PDCD7: variants seen among roughly 807,000 people sequenced by gnomAD.
PDCD7 encodes the protein programmed cell death protein 7.
PDCD7 carries 40 observed loss-of-function variants against 42.1 expected under a neutral mutation model. That is an observed-to-expected ratio of 0.95 (90% CI 0.74 to 1.24). The LOEUF is 1.24. Ranked by LOEUF, PDCD7 falls within the 50% of genes most tolerant of loss-of-function variation. PDCD7 has a pLI of 0.00. For synonymous variants in PDCD7, 299 were observed against 303.3 expected, an observed-to-expected ratio of 0.99 and a Z score of 0.15; for missense variants, 644 against 662.8, an observed-to-expected ratio of 0.97 and a Z score of 0.31.
chr15:65,124,292 G>A (rs1264882868), intron 2 of PDCD7, among the ~76,000 whole-genome samples: 1 of 152,010 alleles, frequency 6.6e-6, no homozygotes, highest in Non-Finnish European at 1.5e-5. Flanking sequence ...GGGTGTGGTG[G>A]TGCATGCCTG....
intron 2 of PDCD7, among the ~76,000 whole-genome samples, chr15:65,128,387 T>C (rs1294565188): frequency 6.6e-6 from 1 of 152,164 alleles, no homozygotes; most frequent in Non-Finnish European, 1.5e-5. Context: ...ATGAACAGAA[T>C]GACAACAGCT....
Position 65,133,665 on chromosome 15 carries a change from C to T in PDCD7, c.117G>A (p.Pro39=), listed in dbSNP as rs777089719. 12 of 1,264,146 alleles carry T rather than the reference C, an allele frequency of 9.5e-6. No homozygotes were observed. Among genetic ancestry groups the T allele is most frequent in the Non-Finnish European group, 1.1e-5 (11 of 999,564 alleles). The allele number at this position is 1,264,146 out of a possible 1,614,324, so 78.3% of individuals were successfully genotyped here. A position where few individuals can be genotyped will look rare whatever the true frequency, so the allele number is the denominator to read the frequency against. Residue 39 remains proline, a synonymous_variant, in exon 1 of 5, where the codon CCG becomes CCA. Transcript: ENST00000204549. ...AAGGGCCGGGCCGCTGGGGGAGAGG[C>T]GGCGGGAAAGCCGGGGAGGGCAGCG... ...PPPLPSPAFP[P]PLPQRPGPFP... is the part of the protein sequence containing the mutation.
At chr15:65,132,006 T>C (rs2087542974) in intron 1 of PDCD7, among the ~76,000 whole-genome samples, 2 of 151,590 alleles carry the variant, frequency 1.3e-5, no homozygotes, top group African/African-American at 4.9e-5. Flanking sequence ...GTATATGTAA[T>C]GACCTTAGCA....
chr15:65,123,290 C>T (rs562096711), intron 2 of PDCD7, among the ~76,000 whole-genome samples: 2 of 152,268 alleles, frequency 1.3e-5, no homozygotes, highest in South Asian at 2.1e-4. Context: ...TGGGTTCAAG[C>T]GATTCTCCTG....
At chr15:65,131,199 G>A (rs150003250) in intron 1 of PDCD7, among the ~76,000 whole-genome samples, 1 of 152,160 alleles carries the variant, frequency 6.6e-6, no homozygotes, top group African/African-American at 2.4e-5. Flanking sequence ...TCTCATAGGA[G>A]CACAAAGAAG....
intron 1 of PDCD7, among the ~76,000 whole-genome samples, chr15:65,131,710 T>C (rs1033457367): frequency 3.3e-5 from 5 of 151,912 alleles, no homozygotes; most frequent in African/African-American, 2.4e-5. Flanking sequence ...GATCATGCCA[T>C]TGCACTCCAG....
intron 1 of PDCD7, 87 bp from the exon 2 acceptor site, chr15:65,129,257 A>T (rs1343607520): frequency 4.1e-5 from 58 of 1,429,808 alleles, no homozygotes; most frequent in Non-Finnish European, 1.2e-5. Context: ...ATTTTAAAGG[A>T]TCAGACAGTC....
chr15:65,127,581 A>G (rs902521510), intron 2 of PDCD7, among the ~76,000 whole-genome samples: 12 of 152,196 alleles, frequency 7.9e-5, no homozygotes, highest in African/African-American at 2.7e-4. Flanking sequence ...ATCCAGCCTC[A>G]TCATTCAGCA....
At chr15:65,120,075 G>C (rs575876638) in intron 2 of PDCD7, 121 bp from the exon 3 acceptor site, 17 of 1,039,648 alleles carry the variant, frequency 1.6e-5, no homozygotes, top group Non-Finnish European at 4.1e-6. Flanking sequence ...CAAACTCCTG[G>C]GCTCAACCCA....
In PDCD7 at chr15:65,133,654, TGG is replaced by T; in HGVS notation, c.126_127del (p.Gln43AlafsTer81). 7.9e-7 allele frequency: 1 copy of T among 1,258,314 alleles called. No homozygotes were observed. The highest frequency in any genetic ancestry group is 1.0e-6 in the Non-Finnish European group (1 of 997,494). 77.9% of individuals were successfully genotyped at this position (1,258,314 alleles called of 1,614,324 possible). A position where few individuals can be genotyped will look rare whatever the true frequency, so the allele number is the denominator to read the frequency against. On this transcript the variant is annotated frameshift_variant, in exon 1 of 5. Coordinates refer to ENST00000204549, the MANE Select transcript of PDCD7 (RefSeq NM_005707.2). LOFTEE classifies it high-confidence loss of function. ...GGCCCCCGGAAAAGGGCCGGGCCGC[TGG>T]GGGAGAGGCGGCGGGAAAGCCGGGG...
In PDCD7 at chr15:65,122,373, C is replaced by T. The variant is rs574462827; in HGVS notation, c.1010-2419G>A. Among the ~76,000 whole-genome samples the T allele has an allele frequency of 2.0e-5, 3 of 151,584 alleles. No homozygotes were observed. In the South Asian group the frequency reaches 6.3e-4, roughly 32 times the overall value. Reference sequence around the variant, plus strand: ...ATTTAAAAAAAAAGAATACCAGATACAAGAAAGAAAAAAAAAATCCTAATC... The same window carrying T: ...ATTTAAAAAAAAAGAATACCAGATATAAGAAAGAAAAAAAAAATCCTAATC... On this transcript the variant is annotated intron_variant, in intron 2 of 4. Coordinates refer to ENST00000204549, the MANE Select transcript of PDCD7 (RefSeq NM_005707.2).
At chr15:65,129,506 T>C (rs948109963) in intron 1 of PDCD7, among the ~76,000 whole-genome samples, 2 of 152,284 alleles carry the variant, frequency 1.3e-5, no homozygotes, top group Middle Eastern at 3.4e-3. Flanking sequence ...TTGTTAAAAA[T>C]GCAGATTCCC....
chr15:65,119,570 T>C (rs2087435489), intron 3 of PDCD7, 107 bp from the exon 4 acceptor site: 4 of 1,215,110 alleles, frequency 3.3e-6, no homozygotes, highest in Admixed American at 1.7e-5. Flanking sequence ...GAAAATGTGT[T>C]CTATCTGTAT....
intron 2 of PDCD7, among the ~76,000 whole-genome samples, chr15:65,120,188 C>T (rs2087442102): frequency 6.6e-6 from 1 of 151,948 alleles, no homozygotes; most frequent in Non-Finnish European, 1.5e-5. Context: ...GGGTCTCACT[C>T]TGTTGTGCAG....
At chr15:65,122,753 C>T (rs948172164) in intron 2 of PDCD7, among the ~76,000 whole-genome samples, 3 of 152,078 alleles carry the variant, frequency 2.0e-5, no homozygotes, top group South Asian at 2.1e-4. Flanking sequence ...CCTGTAATTC[C>T]AACACTTTGG....
intron 2 of PDCD7, among the ~76,000 whole-genome samples, 199 bp from the exon 3 acceptor site, chr15:65,120,153 A>AT (rs1050412437): frequency 6.6e-6 from 1 of 150,408 alleles, no homozygotes; most frequent in Non-Finnish European, 1.5e-5. Context: ...GCTTTTTTTT[A>AT]TTTTTTATTT....
chr15:65,119,539 C>A, intron 3 of PDCD7, 76 bp from the exon 4 acceptor site: 1 of 1,248,204 alleles, frequency 8.0e-7, no homozygotes, highest in Non-Finnish European at 1.2e-6. Context: ...GGTGACTGAG[C>A]CTATGATTAC....
At chr15:65,131,533 G>A (rs952983451) in intron 1 of PDCD7, among the ~76,000 whole-genome samples, 7 of 152,152 alleles carry the variant, frequency 4.6e-5, no homozygotes, top group African/African-American at 1.7e-4. Flanking sequence ...TGGATCACCT[G>A]AGGTCAGGAG....
chr15:65,130,156 T>TC (rs1232590682), intron 1 of PDCD7, among the ~76,000 whole-genome samples: 1 of 133,164 alleles, frequency 7.5e-6, no homozygotes, highest in Non-Finnish European at 1.6e-5. Flanking sequence ...CCAACCCTCT[T>TC]TTTTTTTTTT....
Sources: allele counts gnomAD v4.1 joint callset (sites outside exome capture counted in the v4.1 genomes callset), GRCh38; gene constraint gnomAD v4.1.1; transcripts MANE v1.5; gene names NCBI Gene and HGNC (gene_info 2026-07-23, HGNC 2026-07-21).